MCPH1: variants seen among roughly 807,000 people sequenced by gnomAD.
MCPH1 encodes microcephalin.
A neutral mutation model predicts 84.5 loss-of-function variants in MCPH1; 104 were observed. The ratio of observed to expected loss-of-function variants is 1.23; its 90% CI spans 1.05 to 1.45. MCPH1 has a LOEUF of 1.45. Among genes scored for constraint, MCPH1 ranks in the 40% most tolerant of loss-of-function variants. The probability of loss-of-function intolerance (pLI) is 0.00; values close to 1 mark genes in which losing one functional copy is unlikely to be tolerated. For missense variants in MCPH1, 1,498 were observed against 1,005.7 expected (o/e 1.49, Z -6.62); for synonymous variants, 514 against 366.8 (o/e 1.40, Z -4.58).
intron 12 of MCPH1, among the ~76,000 whole-genome samples, chr8:6,572,960 C>G (rs1395863973): frequency 1.3e-5 from 2 of 152,234 alleles, no homozygotes; most frequent in Non-Finnish European, 2.9e-5. Flanking sequence ...ATACTCTGCC[C>G]TTTCTCCCTC....
intron 12 of MCPH1, among the ~76,000 whole-genome samples, chr8:6,560,190 T>G (rs141927081): frequency 7.7e-4 from 118 of 152,326 alleles, no homozygotes; most frequent in African/African-American, 2.7e-3. Flanking sequence ...TTTTTAGTGC[T>G]GATCCAGGAG....
chr8:6,640,042 T>C (rs998444971), intron 13 of MCPH1, among the ~76,000 whole-genome samples: 14 of 150,740 alleles, frequency 9.3e-5, no homozygotes, highest in African/African-American at 3.4e-4. Context: ...TACGGCTGGC[T>C]TCTGCTATTT....
chr8:6,593,513 C>T (rs1828682711), intron 12 of MCPH1, among the ~76,000 whole-genome samples: 1 of 152,114 alleles, frequency 6.6e-6, no homozygotes, highest in Non-Finnish European at 1.5e-5. Context: ...CGCCACCACG[C>T]CTGGCTAATT....
intron 9 of MCPH1, chr8:6,474,312 C>A (rs1460552329): frequency 4.0e-6 from 2 of 504,996 alleles, no homozygotes; most frequent in Non-Finnish European, 7.2e-6. Context: ...TTTTTCCAAC[C>A]TCTGGTGTAC....
chr8:6,556,458 C>A (rs554607578), intron 12 of MCPH1, among the ~76,000 whole-genome samples: 1 of 152,080 alleles, frequency 6.6e-6, no homozygotes, highest in South Asian at 2.1e-4. Context: ...ATCCCCACCC[C>A]ACAGTCCCTC....
At chr8:6,492,353 T>A (rs1024561363) in intron 11 of MCPH1, among the ~76,000 whole-genome samples, 7 of 152,236 alleles carry the variant, frequency 4.6e-5, no homozygotes, top group South Asian at 2.1e-4. Context: ...GTTAGAGTTC[T>A]TTGTAGATTC....
At chr8:6,488,591 G>A (rs1384529522) in intron 11 of MCPH1, among the ~76,000 whole-genome samples, 1 of 152,152 alleles carries the variant, frequency 6.6e-6, no homozygotes, top group Non-Finnish European at 1.5e-5. Flanking sequence ...TAATGCACCT[G>A]GCACAGAAAA....
At chr8:6,629,043 T>A (rs773841490) in intron 13 of MCPH1, among the ~76,000 whole-genome samples, 44 of 152,216 alleles carry the variant, frequency 2.9e-4, no homozygotes, top group Admixed American at 6.5e-4. Flanking sequence ...CCAGAATTCA[T>A]AGGTTGAAGC....
At chr8:6,552,353 G>A (rs947719935) in intron 12 of MCPH1, among the ~76,000 whole-genome samples, 2 of 152,182 alleles carry the variant, frequency 1.3e-5, no homozygotes, top group African/African-American at 4.8e-5. Context: ...CAGTACTGGA[G>A]CAGTTTCCAC....
chr8:6,614,712 G>C (rs1055325578), intron 12 of MCPH1, among the ~76,000 whole-genome samples: 8 of 152,174 alleles, frequency 5.3e-5, no homozygotes, highest in Admixed American at 1.3e-4. Flanking sequence ...ATTATTCATT[G>C]GAAACCTCAA....
At chr8:6,583,555 G>A (rs1295217860) in intron 12 of MCPH1, among the ~76,000 whole-genome samples, 2 of 152,170 alleles carry the variant, frequency 1.3e-5, no homozygotes, top group African/African-American at 4.8e-5. Flanking sequence ...AAAAGGAAGC[G>A]AGGGTGGTGA....
intron 12 of MCPH1, chr8:6,532,629 A>G (rs1819742671): frequency 3.0e-6 from 2 of 674,174 alleles, no homozygotes; most frequent in Admixed American, 7.7e-5. Flanking sequence ...TCCTTTTGGA[A>G]TCTTACTATT....
chr8:6,571,126 A>T (rs1483013397), intron 12 of MCPH1, among the ~76,000 whole-genome samples: 1 of 152,188 alleles, frequency 6.6e-6, no homozygotes, highest in African/African-American at 2.4e-5. Flanking sequence ...CATCAAAAAA[A>T]TGCCAGAAGG....
Position 6,531,274 on chromosome 8 carries a change from T to C in MCPH1, c.2214+31345T>C, listed in dbSNP as rs1158246309. 2.0e-5 allele frequency among the ~76,000 whole-genome samples: 3 copies of C among 147,192 alleles called. 1 individual carries two copies. The highest frequency in any genetic ancestry group is 4.5e-5 in the Non-Finnish European group (3 of 67,314). ...TCCTATTTTGCTGTTATTTTACTAG[T>C]TTCTTTCTTTCTTTCTTTCTTTTTT... On this transcript the variant is annotated intron_variant, in intron 12 of 13. Transcript: ENST00000344683.
chr8:6,626,294 G>A (rs1832067204), intron 13 of MCPH1: 1 of 985,114 alleles, frequency 1.0e-6, no homozygotes, highest in Admixed American at 6.2e-5. Context: ...CTTGCTCCCT[G>A]GAGAATTTCA....
At chr8:6,609,625 G>A (rs1830078111) in intron 12 of MCPH1, among the ~76,000 whole-genome samples, 1 of 152,214 alleles carries the variant, frequency 6.6e-6, no homozygotes. Context: ...CCATTTGCAT[G>A]TGGCTTTTGG....
chr8:6,594,429 A>C (rs1828762778), intron 12 of MCPH1, among the ~76,000 whole-genome samples: 1 of 152,162 alleles, frequency 6.6e-6, no homozygotes, highest in Admixed American at 6.5e-5. Context: ...GGAGCATGCT[A>C]ATCTTTCCAA....
intron 10 of MCPH1, 84 bp downstream of exon 10, chr8:6,477,715 C>T: frequency 2.9e-6 from 3 of 1,022,272 alleles, no homozygotes; most frequent in Non-Finnish European, 4.7e-6. Flanking sequence ...CTTTAGGCAA[C>T]TTGTCAATCT....
chr8:6,613,297 C>T (rs1003049663), intron 12 of MCPH1, among the ~76,000 whole-genome samples: 4 of 152,212 alleles, frequency 2.6e-5, no homozygotes, highest in African/African-American at 9.6e-5. Flanking sequence ...TGGATAGAAA[C>T]ACGGAGGGCC....
Sources: gnomAD v4.1 joint callset for allele counts (sites outside exome capture counted in the v4.1 genomes callset) on GRCh38, gnomAD v4.1.1 for gene constraint, MANE v1.5 for transcripts, NCBI Gene and HGNC (gene_info 2026-07-23, HGNC 2026-07-21) for gene names.